Variants in SLC9C1 observed in about 807,000 individuals in gnomAD.
The protein encoded by SLC9C1 is solute carrier family 9 member C1, also known as sodium/hydrogen exchanger 10.
Under a neutral mutation model 140.9 loss-of-function variants are expected in SLC9C1, and 97 were observed. That is an observed-to-expected ratio of 0.69 (90% CI 0.58 to 0.82). SLC9C1 has a LOEUF of 0.82. Ranked by LOEUF, SLC9C1 falls within the 40% of genes least tolerant of loss-of-function variation. SLC9C1 has a pLI of 0.00. For synonymous variants in SLC9C1, 440 were observed against 442.6 expected, an observed-to-expected ratio of 0.99 and a Z score of 0.07; for missense variants, 1,340 against 1,389.3, an observed-to-expected ratio of 0.96 and a Z score of 0.56.
rs1576487913 is a variant in SLC9C1 at position 112,269,087 on chromosome 3, A to G, written c.775+829T>C. ...TTGATCTAACAGTTACCAAGACAAAATATCTAATTTACAGGTAGAAACTGC... is the reference window on the plus strand; with the variant it reads ...TTGATCTAACAGTTACCAAGACAAAGTATCTAATTTACAGGTAGAAACTGC... On this transcript the variant is annotated intron_variant, in intron 7 of 28. Transcript: ENST00000305815. Among the ~76,000 whole-genome samples, 4 of 152,200 alleles carry G rather than the reference A, an allele frequency of 2.6e-5. No homozygotes were observed. In the South Asian group the frequency reaches 8.3e-4, roughly 32 times the overall value.
intron 10 of SLC9C1, among the ~76,000 whole-genome samples, chr3:112,252,922 G>T (rs1425793890): frequency 4.6e-5 from 7 of 152,112 alleles, no homozygotes; most frequent in Admixed American, 4.6e-4. Flanking sequence ...GTACCTCCCT[G>T]GGTTGGAGTT....
intron 20 of SLC9C1, among the ~76,000 whole-genome samples, chr3:112,190,141 G>A (rs529435395): frequency 1.4e-4 from 21 of 152,206 alleles, no homozygotes; most frequent in African/African-American, 4.6e-4. Context: ...GGGCTGAGAC[G>A]ATGGGGTTTT....
At chr3:112,243,459 T>A (rs1167082367) in intron 11 of SLC9C1, among the ~76,000 whole-genome samples, 1 of 152,054 alleles carries the variant, frequency 6.6e-6, no homozygotes, top group African/African-American at 2.4e-5. Context: ...TGAGTACACA[T>A]GAACATAGAG....
chr3:112,270,839 C>A (rs2080053542), intron 6 of SLC9C1, among the ~76,000 whole-genome samples: 1 of 152,042 alleles, frequency 6.6e-6, no homozygotes, highest in African/African-American at 2.4e-5. Context: ...ACCAGTTGAC[C>A]ATTTGTATGT....
chr3:112,216,144 G>C (rs1050832024), intron 15 of SLC9C1, among the ~76,000 whole-genome samples: 1 of 152,124 alleles, frequency 6.6e-6, no homozygotes, highest in Non-Finnish European at 1.5e-5. Flanking sequence ...GGGAAAACTG[G>C]CTAGCCATAT....
At chr3:112,183,349 CTTTTTTTTT>C (rs200437815) in intron 20 of SLC9C1, among the ~76,000 whole-genome samples, 5,806 of 95,468 alleles carry the variant, frequency 0.061, 412 homozygotes, top group South Asian at 0.12. Flanking sequence ...AGCACCTTTT[CTTTTTTTTT>C]TTTTTTTTTT....
chr3:112,286,660 T>C (rs760233542), intron 2 of SLC9C1, 44 bp downstream of exon 2: 1 of 1,486,022 alleles, frequency 6.7e-7, no homozygotes, highest in Non-Finnish European at 9.2e-7. Context: ...ATTTATAAGA[T>C]GTACCGGAAG....
At chr3:112,255,888 CAA>C (rs1396639732) in intron 10 of SLC9C1, among the ~76,000 whole-genome samples, 1 of 152,000 alleles carries the variant, frequency 6.6e-6, no homozygotes, top group Non-Finnish European at 1.5e-5. Context: ...TTAAAAATGA[CAA>C]AGTGTATGCT....
chr3:112,226,316 G>C (rs1320214404), intron 13 of SLC9C1, among the ~76,000 whole-genome samples: 2 of 151,988 alleles, frequency 1.3e-5, no homozygotes, highest in Non-Finnish European at 2.9e-5. Flanking sequence ...AAATTAAGAA[G>C]GTAATTCTTT....
chr3:112,280,875 C>G, intron 2 of SLC9C1, 92 bp from the exon 3 acceptor site: 1 of 1,170,754 alleles, frequency 8.5e-7, no homozygotes, highest in Non-Finnish European at 1.2e-6. Context: ...TGAACAATGT[C>G]TTACAGTTTC....
At chr3:112,272,091 C>T (rs1459856302) in intron 6 of SLC9C1, among the ~76,000 whole-genome samples, 1 of 152,162 alleles carries the variant, frequency 6.6e-6, no homozygotes, top group Non-Finnish European at 1.5e-5. Flanking sequence ...TGGAACTACA[C>T]ATGCCTCTAG....
intron 15 of SLC9C1, among the ~76,000 whole-genome samples, chr3:112,212,185 C>A (rs887557687): frequency 6.6e-6 from 1 of 152,142 alleles, no homozygotes; most frequent in African/African-American, 2.4e-5. Context: ...CAAAGGACAT[C>A]CACACCAAAA....
At chr3:112,188,218 G>A (rs925482604) in intron 20 of SLC9C1, among the ~76,000 whole-genome samples, 1 of 151,992 alleles carries the variant, frequency 6.6e-6, no homozygotes, top group African/African-American at 2.4e-5. Flanking sequence ...TTAAAGGTAT[G>A]CATTTTTAAA....
chr3:112,284,520 A>C (rs12497979), intron 2 of SLC9C1, among the ~76,000 whole-genome samples: 105,473 of 152,154 alleles, frequency 0.69, 36,982 homozygotes, highest in East Asian at 1. Flanking sequence ...ACAGAAGATA[A>C]AGCTGACTAT....
intron 15 of SLC9C1, among the ~76,000 whole-genome samples, chr3:112,210,800 G>A (rs1186272830): frequency 6.6e-6 from 1 of 152,046 alleles, no homozygotes; most frequent in Admixed American, 6.5e-5. Context: ...ACACTCATCA[G>A]TCTCCTCTGA....
intron 7 of SLC9C1, among the ~76,000 whole-genome samples, chr3:112,267,575 C>CAAAAAA (rs71933510): frequency 0.22 from 12,221 of 56,358 alleles, 1,845 homozygotes; most frequent in South Asian, 0.31. Context: ...GACTCCGTCT[C>CAAAAAA]AAAAAAAAAA....
chr3:112,268,372 A>T (rs1172017597), intron 7 of SLC9C1, among the ~76,000 whole-genome samples: 2 of 152,120 alleles, frequency 1.3e-5, no homozygotes, highest in Non-Finnish European at 2.9e-5. Context: ...ATAAATTCCC[A>T]TTACTCTAGC....
At chr3:112,232,127 A>G (rs1387626214) in intron 12 of SLC9C1, among the ~76,000 whole-genome samples, 9 of 152,220 alleles carry the variant, frequency 5.9e-5, no homozygotes, top group Non-Finnish European at 1.0e-4. Context: ...TCTGATTCCA[A>G]GGTTGGTGTT....
chr3:112,263,570 T>C (rs372079426), intron 9 of SLC9C1, among the ~76,000 whole-genome samples: 75 of 152,030 alleles, frequency 4.9e-4, no homozygotes, highest in African/African-American at 1.6e-3. Context: ...TAATTTTATC[T>C]GATAATTTGG....
Sources: gnomAD v4.1 joint callset for allele counts (sites outside exome capture counted in the v4.1 genomes callset) on GRCh38, gnomAD v4.1.1 for gene constraint, MANE v1.5 for transcripts, NCBI Gene and HGNC (gene_info 2026-07-23, HGNC 2026-07-21) for gene names.